LAMC3: variants seen among roughly 807,000 people sequenced by gnomAD.
LAMC3 encodes the protein laminin subunit gamma 3.
Under a neutral mutation model 173.8 loss-of-function variants are expected in LAMC3, and 128 were observed. That is an observed-to-expected ratio of 0.74 (90% CI 0.64 to 0.85). The LOEUF (loss-of-function observed/expected upper bound fraction) is 0.85, where lower values mean the gene tolerates loss of function less well. Ranked by LOEUF, LAMC3 falls within the 40% of genes least tolerant of loss-of-function variation. The pLI, the probability that LAMC3 is intolerant of heterozygous loss-of-function variation, is 0.00. For missense variants in LAMC3, 2,022 were observed against 2,156.0 expected (o/e 0.94, Z 1.23); for synonymous variants, 897 against 909.1 (o/e 0.99, Z 0.24).
chr9:131,047,972 T>C (rs558324965), intron 8 of LAMC3, among the ~76,000 whole-genome samples: 94 of 151,468 alleles, frequency 6.2e-4, no homozygotes, highest in African/African-American at 2.2e-3. Flanking sequence ...GGTCTTGATC[T>C]CTTGACCTCA....
rs541195309 is a variant in LAMC3, at chr9:131,026,508, G to T, written c.597G>T (p.Pro199=). 2 of 1,612,942 alleles carry T rather than the reference G, an allele frequency of 1.2e-6. No individual in the cohort carries two copies. Among genetic ancestry groups the T allele is most frequent in the African/African-American group, 1.3e-5 (1 of 75,046 alleles). ...FCTSEFSDIS[P]LSGGNVAFST... is the part of the protein sequence containing the mutation. Reference sequence around the variant, plus strand: ...CCTCTGAGTTCAGCGACATCTCCCCGCTGAGTGGCGGCAACGTGGCCTTCT... The same window carrying T: ...CCTCTGAGTTCAGCGACATCTCCCCTCTGAGTGGCGGCAACGTGGCCTTCT... The change falls in exon 2 of 28, where the codon CCG becomes CCT. Residue 199 remains proline, a synonymous_variant. Transcript: ENST00000361069. This position sits in a 1 kb window ranked among gnomAD's most constrained non-coding sequence, Gnocchi z 4.8.
At chr9:131,065,814 G>T (rs536372952) in intron 13 of LAMC3, among the ~76,000 whole-genome samples, 81 of 152,184 alleles carry the variant, frequency 5.3e-4, no homozygotes, top group African/African-American at 1.8e-3. Context: ...GGTGATGAAG[G>T]TGATGATGAT....
intron 4 of LAMC3, among the ~76,000 whole-genome samples, chr9:131,037,031 C>T (rs1286696687): frequency 1.3e-5 from 2 of 152,236 alleles, no homozygotes; most frequent in Non-Finnish European, 2.9e-5. Flanking sequence ...CTGGACCCCG[C>T]TGTCCTCTTG....
At chr9:131,056,817 T>C (rs898651917) in intron 11 of LAMC3, 112 bp from the exon 12 acceptor site, 10 of 808,444 alleles carry the variant, frequency 1.2e-5, no homozygotes, top group Non-Finnish European at 2.2e-5. Context: ...TGATTGCTAG[T>C]CTGCCTTTAT....
intron 16 of LAMC3, 117 bp downstream of exon 16, chr9:131,069,167 G>A: frequency 8.1e-7 from 1 of 1,240,758 alleles, no homozygotes; most frequent in East Asian, 2.4e-5. Context: ...ACATGGGACA[G>A]GGTCCCGAGA....
chr9:131,058,620 G>A (rs901013962), intron 12 of LAMC3, among the ~76,000 whole-genome samples: 3 of 152,008 alleles, frequency 2.0e-5, no homozygotes, highest in African/African-American at 4.8e-5. Flanking sequence ...GTAGCCAGGC[G>A]TGGTGGCTCA....
intron 16 of LAMC3, among the ~76,000 whole-genome samples, chr9:131,069,278 G>A (rs1012218103): frequency 2.6e-5 from 4 of 152,106 alleles, no homozygotes; most frequent in African/African-American, 7.2e-5. Context: ...TGTGACCCTC[G>A]CCCAAGTCTC....
intron 4 of LAMC3, among the ~76,000 whole-genome samples, chr9:131,036,999 C>T (rs527327815): frequency 3.3e-5 from 5 of 152,354 alleles, no homozygotes; most frequent in African/African-American, 9.6e-5. Context: ...CTCACAGGCT[C>T]GCTGGGCGGG....
chr9:131,076,076 C>T (rs1210678227), intron 21 of LAMC3, 111 bp downstream of exon 21: 2 of 1,135,254 alleles, frequency 1.8e-6, no homozygotes, highest in African/African-American at 3.1e-5. Flanking sequence ...TCCTGACGTT[C>T]TTTGTCGTTG....
At chr9:131,010,412 G>A (rs1015440369) in intron 1 of LAMC3, among the ~76,000 whole-genome samples, 46 of 152,332 alleles carry the variant, frequency 3.0e-4, no homozygotes, top group African/African-American at 9.4e-4. Flanking sequence ...GGGGTGCCCC[G>A]TGGGGCGGGA....
rs1833971660 is a variant in LAMC3, at chr9:131,037,732, A to G, written c.977-1132A>G. 2.6e-5 allele frequency among the ~76,000 whole-genome samples: 4 copies of G among 152,214 alleles called. No homozygotes were observed. The South Asian group carries it at 8.3e-4, about 32-fold the overall frequency. On this transcript the variant is annotated intron_variant, in intron 4 of 27. Transcript: ENST00000361069. ...GGTCTTTACACTCCTAGGCTCAAGC[A>G]GTCCTCCTACCTTACCTTCCAAAGT...
In LAMC3 at chr9:131,039,067, C is replaced by T. The variant is rs2133254306; in HGVS notation, c.1165+15C>T. 3.7e-6 allele frequency: 6 copies of T among 1,612,908 alleles called. No homozygotes were observed. The South Asian group carries it at 6.6e-5, about 18-fold the overall frequency. On this transcript the variant is annotated intron_variant, in intron 5 of 27. Coordinates refer to ENST00000361069, the MANE Select transcript of LAMC3 (RefSeq NM_006059.4). ...CCAGTCGGCAGGTGAGTGGACTCCACATCCCCAGCCTCCGACCCTCTCCCT... is the reference window on the plus strand; with the variant it reads ...CCAGTCGGCAGGTGAGTGGACTCCATATCCCCAGCCTCCGACCCTCTCCCT...
intron 11 of LAMC3, among the ~76,000 whole-genome samples, chr9:131,055,321 T>C (rs1256361408): frequency 6.6e-6 from 1 of 152,196 alleles, no homozygotes; most frequent in African/African-American, 2.4e-5. Flanking sequence ...ATAGTTGTTT[T>C]CTGTGGGAAG....
At chr9:131,070,055 G>A (rs1380125363) in intron 17 of LAMC3, among the ~76,000 whole-genome samples, 3 of 152,194 alleles carry the variant, frequency 2.0e-5, no homozygotes, top group Non-Finnish European at 4.4e-5. Flanking sequence ...CCTGCTCTAG[G>A]TGGATGGGGG....
At chr9:131,085,444 G>A in intron 24 of LAMC3, 80 bp from the exon 25 acceptor site, 3 of 1,451,286 alleles carry the variant, frequency 2.1e-6, no homozygotes, top group African/African-American at 1.4e-5. Context: ...GGTCAGCCAG[G>A]CAGCTCTGCC....
rs940037449 is a variant in LAMC3 at position 131,026,178 on chromosome 9, C to T, written c.374-107C>T. ...GTCCAGAGCTCCAGACAGCTTCCAGCGATCCATCCACGCTAGTGCCTGCAA... is the reference window on the plus strand; with the variant it reads ...GTCCAGAGCTCCAGACAGCTTCCAGTGATCCATCCACGCTAGTGCCTGCAA... On this transcript the variant is annotated intron_variant, in intron 1 of 27. Transcript: ENST00000361069. This position sits in a 1 kb window ranked among gnomAD's most constrained non-coding sequence, Gnocchi z 4.8. The T allele has an allele frequency of 6.4e-6, 10 of 1,556,102 alleles. No homozygotes were observed. Among genetic ancestry groups the T allele is most frequent in the Non-Finnish European group, 8.7e-6 (10 of 1,150,798 alleles).
chr9:131,043,825 T>C (rs1232068825), intron 7 of LAMC3, among the ~76,000 whole-genome samples: 1 of 152,216 alleles, frequency 6.6e-6, no homozygotes, highest in Non-Finnish European at 1.5e-5. Flanking sequence ...AGAGGATATT[T>C]GCATAACCTC....
intron 18 of LAMC3, among the ~76,000 whole-genome samples, chr9:131,072,313 C>A (rs1830049570): frequency 6.6e-6 from 1 of 152,298 alleles, no homozygotes; most frequent in South Asian, 2.1e-4. Context: ...TTAAAATGCC[C>A]ACATGTGAGC....
intron 20 of LAMC3, among the ~76,000 whole-genome samples, chr9:131,074,719 C>T (rs536618338): frequency 4.0e-5 from 6 of 148,324 alleles, no homozygotes; most frequent in African/African-American, 1.2e-4. Flanking sequence ...AAAAAAAAGA[C>T]GCAGCTTAAG....
Sources: allele counts gnomAD v4.1 joint callset (sites outside exome capture counted in the v4.1 genomes callset), GRCh38; gene constraint gnomAD v4.1.1; non-coding constraint Gnocchi (gnomAD v3.1); transcripts MANE v1.5; gene names NCBI Gene and HGNC (gene_info 2026-07-23, HGNC 2026-07-21).